The following TNPO3 variants were observed in gnomAD, a reference collection of about 807,000 sequenced individuals.
TNPO3 encodes the protein transportin-3.
Under a neutral mutation model 122.8 loss-of-function variants are expected in TNPO3, and 65 were observed. The ratio of observed to expected loss-of-function variants is 0.53; its 90% CI spans 0.43 to 0.65. TNPO3 has a LOEUF of 0.65. TNPO3 is among the 30% of genes least tolerant of loss of function. The pLI, the probability that TNPO3 is intolerant of heterozygous loss-of-function variation, is 0.00. For missense variants in TNPO3, 850 were observed against 1,136.7 expected, an observed-to-expected ratio of 0.75 and a Z score of 3.63; for synonymous variants, 372 against 411.2, an observed-to-expected ratio of 0.90 and a Z score of 1.15.
chr7:128,975,472 T>G (rs1798957557), intron 17 of TNPO3, among the ~76,000 whole-genome samples: 1 of 152,180 alleles, frequency 6.6e-6, no homozygotes, highest in Admixed American at 6.5e-5. Flanking sequence ...CTAAGTAAAC[T>G]AGTCAGTTGG....
At chr7:129,009,597 T>C (rs1459436838) in intron 4 of TNPO3, among the ~76,000 whole-genome samples, 1 of 152,252 alleles carries the variant, frequency 6.6e-6, no homozygotes, top group Non-Finnish European at 1.5e-5. Context: ...GTCAGGCACG[T>C]GCCTTGAATG....
chr7:128,998,005 T>G, intron 7 of TNPO3, among the ~76,000 whole-genome samples: 1 of 91,030 alleles, frequency 1.1e-5, no homozygotes, highest in Non-Finnish European at 2.5e-5. Context: ...GCTCAGCTAA[T>G]TTTTTTTTTT....
chr7:129,048,521 C>T (rs932657082), intron 1 of TNPO3, among the ~76,000 whole-genome samples: 1 of 152,078 alleles, frequency 6.6e-6, no homozygotes, highest in African/African-American at 2.4e-5. Context: ...CAGAGTGAGA[C>T]TCTGTCTCAA....
chr7:128,967,454 A>C lies in TNPO3; in HGVS notation c.2599-62T>G, dbSNP rs896596070. ...GCATAGCTTACTCACCTGAGACCCT[A>C]CAGATACTAACAAAACCCCACAAAT... On this transcript the variant is annotated intron_variant, in intron 20 of 22. Transcript: ENST00000265388. The C allele has an allele frequency of 8.5e-6, 9 of 1,062,436 alleles. No homozygotes were observed. The African/African-American group carries it at 1.4e-4, about 17-fold the overall frequency. The allele number at this position is 1,062,436 out of a possible 1,614,324, so 65.8% of individuals were successfully genotyped here. A position where few individuals can be genotyped will look rare whatever the true frequency, so the allele number is the denominator to read the frequency against.
chr7:129,007,049 C>T (rs941116291), intron 4 of TNPO3, among the ~76,000 whole-genome samples: 1 of 152,110 alleles, frequency 6.6e-6, no homozygotes, highest in Non-Finnish European at 1.5e-5. Context: ...AAGAAAAGTA[C>T]ATGAAAAATA....
intron 1 of TNPO3, among the ~76,000 whole-genome samples, chr7:129,033,906 CA>C (rs776103730): frequency 0.18 from 13,221 of 72,436 alleles, 525 homozygotes; most frequent in Non-Finnish European, 0.2. Context: ...GAGCTAAACT[CA>C]AAAAAAAAAA....
chr7:129,014,932 T>C (rs1803661487), intron 4 of TNPO3, 47 bp downstream of exon 4: 2 of 1,523,042 alleles, frequency 1.3e-6, no homozygotes, highest in Non-Finnish European at 8.8e-7. Flanking sequence ...ATAACCGCCA[T>C]GGCTTTCTGC....
At chr7:128,992,173 T>C in intron 9 of TNPO3, 83 bp from the exon 10 acceptor site, 1 of 703,314 alleles carries the variant, frequency 1.4e-6, no homozygotes, top group East Asian at 2.8e-5. Context: ...CCAGTTAAAG[T>C]AAATCCTGCT....
Position 129,035,013 on chromosome 7 carries a change from G to T in TNPO3, c.121-16856C>A, listed in dbSNP as rs572315889. 2.6e-5 allele frequency among the ~76,000 whole-genome samples: 4 copies of T among 151,698 alleles called. No homozygotes were observed. The East Asian group carries it at 7.8e-4, about 29-fold the overall frequency. ...ATATCGGCCGGGCGCGGTGGCTCAC[G>T]CCTGTAATCCCAGCACTTTGGGAGG... On this transcript the variant is annotated intron_variant, in intron 1 of 22. Transcript: ENST00000265388.
At chr7:129,025,349 A>C (rs4506136) in intron 1 of TNPO3, among the ~76,000 whole-genome samples, 15 of 101,720 alleles carry the variant, frequency 1.5e-4, no homozygotes, top group Non-Finnish European at 1.9e-5. Context: ...AAACTCTGTC[A>C]CAAAAAAAAA....
intron 1 of TNPO3, among the ~76,000 whole-genome samples, chr7:129,025,736 G>A (rs1240464327): frequency 1.3e-5 from 2 of 152,130 alleles, no homozygotes; most frequent in Non-Finnish European, 2.9e-5. Flanking sequence ...TTGGGTGGTG[G>A]TTAAAAGGCC....
intron 8 of TNPO3, among the ~76,000 whole-genome samples, chr7:128,996,491 C>G (rs1222176185): frequency 6.6e-6 from 1 of 152,056 alleles, no homozygotes; most frequent in African/African-American, 2.4e-5. Context: ...CACCTGTAAT[C>G]TCAGCACTTT....
intron 1 of TNPO3, chr7:129,030,113 A>G (rs571419925): frequency 6.4e-6 from 1 of 156,682 alleles, no homozygotes; most frequent in African/African-American, 2.4e-5. Context: ...TACATGAATG[A>G]TGAAGTATAT....
chr7:128,999,613 C>CTTT (rs146907593), intron 7 of TNPO3, among the ~76,000 whole-genome samples: 3 of 139,260 alleles, frequency 2.2e-5, no homozygotes, highest in Non-Finnish European at 1.6e-5. Flanking sequence ...TTCTTTCTCA[C>CTTT]TTTTTTTTTT....
chr7:128,993,695 C>T (rs1026685074), intron 9 of TNPO3, 112 bp downstream of exon 9: 15 of 878,532 alleles, frequency 1.7e-5, no homozygotes, highest in Non-Finnish European at 2.4e-5. Flanking sequence ...TATCTATTAT[C>T]TCATTCAGCC....
At chr7:128,970,386 C>T in intron 19 of TNPO3, 71 bp from the exon 20 acceptor site, 3 of 1,436,526 alleles carry the variant, frequency 2.1e-6, no homozygotes, top group Non-Finnish European at 2.8e-6. Flanking sequence ...CACTCTTTCC[C>T]CTTTAGTAAT....
At position 129,015,053 on chromosome 7, in the gene TNPO3, G is replaced by A. The variant is rs752037576; in HGVS notation, c.478C>T (p.Arg160Ter). The stretch of plus-strand genomic sequence containing the variant: ...TCTGTGCGCCGATTAGCTCCAATTC[G>A]TAAGGAACGACTATGTACTTCTTCA... ...LPEEVHSRSLRIGANRRTEII... is the reference protein window; with the variant it reads ...LPEEVHSRSL Residue 160 changes from arginine (R) to a stop codon, truncating the protein, a stop_gained, in exon 4 of 23, where the codon CGA becomes TGA. Coordinates refer to ENST00000265388, the MANE Select transcript of TNPO3 (RefSeq NM_012470.4). LOFTEE classifies it high-confidence loss of function. 7 of 1,612,934 alleles carry A rather than the reference G, an allele frequency of 4.3e-6. No homozygotes were observed. Among genetic ancestry groups the A allele is most frequent in the South Asian group, 1.1e-5 (1 of 90,768 alleles).
At chr7:129,043,882 CAAAGGCTTCCTG>C (rs1306435328) in intron 1 of TNPO3, among the ~76,000 whole-genome samples, 1 of 152,214 alleles carries the variant, frequency 6.6e-6, no homozygotes, top group Non-Finnish European at 1.5e-5. Context: ...TTAGCCCATG[CAAAGGCTTCCTG>C]AAAGCCAAAA....
chr7:129,010,185 T>C (rs1803030777), intron 4 of TNPO3, among the ~76,000 whole-genome samples: 1 of 152,200 alleles, frequency 6.6e-6, no homozygotes, highest in South Asian at 2.1e-4. Context: ...TTATTATTTT[T>C]AGAGACAGTC....
Sources: allele counts gnomAD v4.1 joint callset (sites outside exome capture counted in the v4.1 genomes callset), GRCh38; gene constraint gnomAD v4.1.1; transcripts MANE v1.5; gene names NCBI Gene and HGNC (gene_info 2026-07-23, HGNC 2026-07-21).